Variants in PTPRR observed in about 807,000 individuals in gnomAD.
PTPRR encodes protein tyrosine phosphatase receptor type R.
Under a neutral mutation model 77.2 loss-of-function variants are expected in PTPRR, and 38 were observed. The observed-to-expected ratio is 0.49, with a 90% CI of 0.38 to 0.65. PTPRR has a LOEUF of 0.65. Among genes scored for constraint, PTPRR ranks in the 30% least tolerant of loss-of-function variants. The pLI is 0.00. For missense variants in PTPRR, 744 were observed against 799.2 expected (o/e 0.93, Z 0.83); for synonymous variants, 299 against 283.1 (o/e 1.06, Z -0.57).
At chr12:70,661,174 C>T (rs1015360336) in intron 11 of PTPRR, 77 bp from the exon 12 acceptor site, 1 of 1,525,670 alleles carries the variant, frequency 6.6e-7, no homozygotes, top group Non-Finnish European at 8.9e-7. Context: ...TACTGAATGC[C>T]TTTTATCACC....
intron 6 of PTPRR, among the ~76,000 whole-genome samples, chr12:70,724,436 G>A (rs1227689565): frequency 3.3e-5 from 5 of 152,146 alleles, no homozygotes; most frequent in Non-Finnish European, 5.9e-5. Flanking sequence ...GCTTAATTGA[G>A]ATAATATGTG....
At chr12:70,691,567 T>A (rs1244419288) in intron 8 of PTPRR, among the ~76,000 whole-genome samples, 1 of 152,150 alleles carries the variant, frequency 6.6e-6, no homozygotes, top group Non-Finnish European at 1.5e-5. Context: ...GGTCTCCTCA[T>A]TTATAGTCCA....
At chr12:70,663,217 A>G (rs1886860435) in intron 10 of PTPRR, among the ~76,000 whole-genome samples, 3 of 152,180 alleles carry the variant, frequency 2.0e-5, no homozygotes, top group South Asian at 2.1e-4. Context: ...TACGTTAAAA[A>G]TATTTTTATA....
chr12:70,909,443 CAG>C (rs1893669131), intron 1 of PTPRR, among the ~76,000 whole-genome samples: 1 of 152,156 alleles, frequency 6.6e-6, no homozygotes, highest in African/African-American at 2.4e-5. Flanking sequence ...TACCTATAGT[CAG>C]GGACACATTT....
intron 2 of PTPRR, among the ~76,000 whole-genome samples, chr12:70,776,024 A>C (rs1891080114): frequency 6.6e-6 from 1 of 151,936 alleles, no homozygotes; most frequent in Non-Finnish European, 1.5e-5. Context: ...ACACATTTCC[A>C]CCTTTCTCAT....
chr12:70,797,073 A>G (rs1891528343), intron 2 of PTPRR, among the ~76,000 whole-genome samples: 1 of 152,318 alleles, frequency 6.6e-6, no homozygotes. Context: ...AGGAGTATGG[A>G]TAAGTCGTAT....
At chr12:70,843,557 C>T (rs576592220) in intron 2 of PTPRR, among the ~76,000 whole-genome samples, 113 of 152,160 alleles carry the variant, frequency 7.4e-4, no homozygotes, top group Non-Finnish European at 1.2e-3. Flanking sequence ...CAGAGCTTGC[C>T]GAGGCCTGCT....
intron 5 of PTPRR, among the ~76,000 whole-genome samples, chr12:70,752,499 A>T (rs1418908467): frequency 6.6e-6 from 1 of 152,218 alleles, no homozygotes; most frequent in Non-Finnish European, 1.5e-5. Flanking sequence ...TACATTCAGT[A>T]CATGAGCACG....
chr12:70,756,988 G>A (rs1468391615), intron 4 of PTPRR, among the ~76,000 whole-genome samples: 2 of 152,106 alleles, frequency 1.3e-5, no homozygotes, highest in Non-Finnish European at 2.9e-5. Context: ...ATAACAATAT[G>A]GCTTTGTTGG....
intron 4 of PTPRR, among the ~76,000 whole-genome samples, chr12:70,754,934 A>G (rs987710699): frequency 6.6e-6 from 1 of 152,126 alleles, no homozygotes; most frequent in African/African-American, 2.4e-5. Flanking sequence ...AAAAGTTCAG[A>G]ATTATTTGTC....
intron 8 of PTPRR, among the ~76,000 whole-genome samples, chr12:70,692,890 A>G (rs1440544085): frequency 1.3e-5 from 2 of 152,160 alleles, no homozygotes; most frequent in Admixed American, 6.5e-5. Context: ...GTGAGCCCCT[A>G]GAGGGCAAAG....
intron 2 of PTPRR, among the ~76,000 whole-genome samples, chr12:70,870,045 C>T (rs749464143): frequency 5.3e-5 from 8 of 152,170 alleles, no homozygotes; most frequent in African/African-American, 1.2e-4. Context: ...ACATTTTCAC[C>T]GGACCCATGC....
At position 70,654,376 on chromosome 12, in the gene PTPRR, G is replaced by A. The variant is rs556428017; in HGVS notation, c.1880+2328C>T. Among the ~76,000 whole-genome samples, 65 of 152,194 alleles carry A rather than the reference G, an allele frequency of 4.3e-4. 1 individual carries two copies. Among genetic ancestry groups the A allele is most frequent in the South Asian group, 2.1e-4 (1 of 4,814 alleles). On this transcript the variant is annotated intron_variant, in intron 13 of 13. Transcript: ENST00000283228. Reference sequence around the variant, plus strand: ...GAGGATTGTTTGAGTCCAGGAGTTCGAGACTGGCCTGGGCAACATGGCAAA... The same window carrying A: ...GAGGATTGTTTGAGTCCAGGAGTTCAAGACTGGCCTGGGCAACATGGCAAA...
chr12:70,905,095 A>G (rs2137130791), intron 1 of PTPRR, among the ~76,000 whole-genome samples: 1 of 151,970 alleles, frequency 6.6e-6, no homozygotes, highest in South Asian at 2.1e-4. Flanking sequence ...AGGAGGAGAG[A>G]GGACCCAGAG....
At chr12:70,685,324 G>A (rs1887821943) in intron 8 of PTPRR, among the ~76,000 whole-genome samples, 4 of 151,926 alleles carry the variant, frequency 2.6e-5, no homozygotes, top group Admixed American at 2.6e-4. Flanking sequence ...CAGGGGAAGA[G>A]GGAGGTTGCA....
intron 1 of PTPRR, among the ~76,000 whole-genome samples, chr12:70,894,222 A>G (rs1465649257): frequency 6.6e-6 from 1 of 151,740 alleles, no homozygotes; most frequent in East Asian, 1.9e-4. Context: ...TACTTCCCAA[A>G]TCATGCAAGC....
At chr12:70,765,733 C>T (rs897787762) in intron 2 of PTPRR, among the ~76,000 whole-genome samples, 5 of 152,134 alleles carry the variant, frequency 3.3e-5, no homozygotes, top group Admixed American at 1.3e-4. Flanking sequence ...GACCCCTGAC[C>T]CCTGAGCAGG....
chr12:70,715,304 C>T (rs1385228712), intron 6 of PTPRR, among the ~76,000 whole-genome samples: 2 of 152,082 alleles, frequency 1.3e-5, no homozygotes, highest in East Asian at 3.9e-4. Flanking sequence ...AAGTACTTCA[C>T]AAGGTAATAG....
At chr12:70,907,668 A>G (rs546653745) in intron 1 of PTPRR, among the ~76,000 whole-genome samples, 1 of 152,350 alleles carries the variant, frequency 6.6e-6, no homozygotes, top group South Asian at 2.1e-4. Flanking sequence ...CAATGTGACT[A>G]GACATAAGTC....
Sources: allele counts gnomAD v4.1 joint callset (sites outside exome capture counted in the v4.1 genomes callset), GRCh38; gene constraint gnomAD v4.1.1; transcripts MANE v1.5; gene names NCBI Gene and HGNC (gene_info 2026-07-23, HGNC 2026-07-21).